TRAF2: variants seen among roughly 807,000 people sequenced by gnomAD.
The protein encoded by TRAF2 is TNF receptor associated factor 2.
Under a neutral mutation model 55.6 loss-of-function variants are expected in TRAF2, and 6 were observed. The observed-to-expected ratio is 0.11, with a 90% CI of 0.06 to 0.21. The LOEUF (loss-of-function observed/expected upper bound fraction) is 0.21, where lower values mean the gene tolerates loss of function less well. Among genes scored for constraint, TRAF2 ranks in the 10% least tolerant of loss-of-function variants. The probability of loss-of-function intolerance (pLI) is 1.00; values close to 1 mark genes in which losing one functional copy is unlikely to be tolerated. For synonymous variants in TRAF2, 329 were observed against 276.3 expected (o/e 1.19, Z -1.89); for missense variants, 561 against 684.5 (o/e 0.82, Z 2.01).
chr9:136,892,694 A>G (rs1373510460), intron 1 of TRAF2, among the ~76,000 whole-genome samples: 2 of 152,138 alleles, frequency 1.3e-5, no homozygotes, highest in South Asian at 2.1e-4. Flanking sequence ...AGCCTGGCCA[A>G]CATGGTGAAA....
At position 136,904,699 on chromosome 9, in the gene TRAF2, C is replaced by T. The variant is rs17243928; in HGVS notation, c.367-3371C>T. ...TGGGATTACAAGGCGTTAGCCACCG[C>T]GCCTGGCCTAAAGAACAGTCTTTTA... On this transcript the variant is annotated intron_variant, in intron 4 of 10. Transcript: ENST00000247668. Among the ~76,000 whole-genome samples, 1,288 of 152,184 alleles carry T rather than the reference C, an allele frequency of 8.5e-3. 24 individuals carry two copies. Among genetic ancestry groups the T allele is most frequent in the African/African-American group, 0.028 (1,173 of 41,498 alleles).
At chr9:136,900,566 G>T in intron 4 of TRAF2, 46 bp downstream of exon 4, 1 of 1,537,622 alleles carries the variant, frequency 6.5e-7, no homozygotes, top group South Asian at 1.1e-5. Flanking sequence ...TCCAGCAGTC[G>T]GGAGTCGTCC....
chr9:136,900,981 G>A (rs1482603173), intron 4 of TRAF2, among the ~76,000 whole-genome samples: 1 of 152,206 alleles, frequency 6.6e-6, no homozygotes, highest in Non-Finnish European at 1.5e-5. Context: ...TATCCACAAA[G>A]GATTGCTTAT....
intron 7 of TRAF2, 174 bp downstream of exon 7, chr9:136,916,789 C>G: frequency 1.6e-6 from 1 of 640,168 alleles, no homozygotes. Context: ...GGGCTGGCAG[C>G]CCTGTCCACT....
rs202042290 is a variant in TRAF2 at position 136,887,702 on chromosome 9, CTG to C, written c.-29+1162_-29+1163del. On this transcript the variant is annotated intron_variant, in intron 1 of 10. Coordinates refer to ENST00000247668, the MANE Select transcript of TRAF2 (RefSeq NM_021138.4). Reference sequence around the variant, plus strand: ...TAGCCCTAGTTTTTAATAAGAGGAACTGAATGTATTAATGGGTGGACACTTGT... The same window carrying C: ...TAGCCCTAGTTTTTAATAAGAGGAACAATGTATTAATGGGTGGACACTTGT... Among the ~76,000 whole-genome samples the C allele has an allele frequency of 3.6e-3, 549 of 152,240 alleles. 4 individuals carry two copies. Among genetic ancestry groups the C allele is most frequent in the African/African-American group, 0.013 (524 of 41,542 alleles).
chr9:136,908,371 C>G (rs553626945), intron 5 of TRAF2, 140 bp downstream of exon 5: 2 of 979,020 alleles, frequency 2.0e-6, no homozygotes, highest in Non-Finnish European at 2.9e-6. Flanking sequence ...GACACGCGGG[C>G]GGATGTTTCT....
chr9:136,925,403 G>A (rs1277021598), intron 10 of TRAF2, among the ~76,000 whole-genome samples: 1 of 152,256 alleles, frequency 6.6e-6, no homozygotes, highest in Non-Finnish European at 1.5e-5. Flanking sequence ...GGAGTGGTAA[G>A]CTTTAGTCTA....
chr9:136,920,156 C>T, intron 7 of TRAF2, 78 bp from the exon 8 acceptor site: 3 of 1,486,598 alleles, frequency 2.0e-6, no homozygotes, highest in Non-Finnish European at 2.7e-6. Flanking sequence ...TCAGCTGAGG[C>T]CCACGTCTTG....
At chr9:136,889,307 G>A (rs1451615928) in intron 1 of TRAF2, among the ~76,000 whole-genome samples, 2 of 146,852 alleles carry the variant, frequency 1.4e-5, no homozygotes, top group African/African-American at 2.5e-5. Context: ...TTTTGAGACA[G>A]AGTTTCGCTC....
chr9:136,905,587 G>A (rs961615035), intron 4 of TRAF2, among the ~76,000 whole-genome samples: 2 of 152,228 alleles, frequency 1.3e-5, no homozygotes, highest in Admixed American at 6.5e-5. Context: ...AAATGGTTAA[G>A]ATGATACATT....
intron 8 of TRAF2, 107 bp downstream of exon 8, chr9:136,920,622 T>C: frequency 7.2e-7 from 1 of 1,379,984 alleles, no homozygotes; most frequent in South Asian, 1.5e-5. Flanking sequence ...GCCCGGACAA[T>C]GTAGAACTCC....
intron 4 of TRAF2, 141 bp downstream of exon 4, chr9:136,900,661 G>A (rs569554910): frequency 1.2e-4 from 90 of 743,428 alleles, no homozygotes; most frequent in East Asian, 1.6e-4. Flanking sequence ...AGGAAGAGAC[G>A]GAGCTGCTCC....
intron 10 of TRAF2, among the ~76,000 whole-genome samples, chr9:136,924,726 C>T (rs181602850): frequency 1.1e-4 from 17 of 152,114 alleles, no homozygotes; most frequent in Admixed American, 2.6e-4. Context: ...CCCTCTTCGT[C>T]GGAGGTGTCA....
At chr9:136,903,388 G>T (rs746094314) in intron 4 of TRAF2, among the ~76,000 whole-genome samples, 46 of 152,226 alleles carry the variant, frequency 3.0e-4, no homozygotes, top group Non-Finnish European at 5.6e-4. Flanking sequence ...AGACTTTCCA[G>T]AGAGGACATA....
intron 1 of TRAF2, among the ~76,000 whole-genome samples, chr9:136,896,495 C>T (rs1849682606): frequency 6.6e-6 from 1 of 152,246 alleles, no homozygotes; most frequent in Non-Finnish European, 1.5e-5. Flanking sequence ...AGTCTGTTCT[C>T]TTGGGCGTCT....
chr9:136,905,289 A>G (rs1201514819), intron 4 of TRAF2, among the ~76,000 whole-genome samples: 1 of 152,232 alleles, frequency 6.6e-6, no homozygotes, highest in African/African-American at 2.4e-5. Context: ...CCATCGGTAC[A>G]GAATATGCTC....
At chr9:136,925,516 G>T (rs866173679) in intron 10 of TRAF2, among the ~76,000 whole-genome samples, 167 bp from the exon 11 acceptor site, 4 of 151,690 alleles carry the variant, frequency 2.6e-5, no homozygotes, top group African/African-American at 9.8e-5. Context: ...CCCGGGCGCT[G>T]TGGCAGGAGC....
intron 9 of TRAF2, 52 bp from the exon 10 acceptor site, chr9:136,923,800 G>A: frequency 6.3e-7 from 1 of 1,593,692 alleles, no homozygotes; most frequent in Non-Finnish European, 8.6e-7. Flanking sequence ...GAAGAGCCCT[G>A]CCCCGCCCTT....
In TRAF2 at chr9:136,886,548, C is replaced by T. The variant is rs560233015; in HGVS notation, c.-29+7C>T. 1.3e-5 allele frequency: 13 copies of T among 984,036 alleles called. No homozygotes were observed. The highest frequency in any genetic ancestry group is 1.8e-5 in the African/African-American group (1 of 55,672). 61.0% of individuals were successfully genotyped at this position (984,036 alleles called of 1,614,324 possible). A position where few individuals can be genotyped will look rare whatever the true frequency, so the allele number is the denominator to read the frequency against. ...GGCGCGCTGCGACCGTTGGGTGAGG[C>T]GAGCGCGGGGTCGGGTGCGGGGTCG... On this transcript the variant is annotated splice_region_variant and intron_variant, in intron 1 of 10. Coordinates refer to ENST00000247668, the MANE Select transcript of TRAF2 (RefSeq NM_021138.4).
Sources: allele counts gnomAD v4.1 joint callset (sites outside exome capture counted in the v4.1 genomes callset), GRCh38; gene constraint gnomAD v4.1.1; transcripts MANE v1.5; gene names NCBI Gene and HGNC (gene_info 2026-07-23, HGNC 2026-07-21).